Variants in APC observed in about 807,000 individuals in gnomAD.
The protein encoded by APC is adenomatous polyposis coli protein.
APC carries 72 observed loss-of-function variants against 247.0 expected under a neutral mutation model. The ratio of observed to expected loss-of-function variants is 0.29; its 90% CI spans 0.24 to 0.35. The LOEUF is 0.35. APC is among the 10% of genes least tolerant of loss of function. APC has a pLI of 1.00. For synonymous variants in APC, 1,254 were observed against 1,162.5 expected (o/e 1.08, Z -1.60); for missense variants, 3,400 against 3,360.7 (o/e 1.01, Z -0.29).
chr5:112,732,342 C>G (rs1268631006), intron 1 of APC, among the ~76,000 whole-genome samples: 1 of 152,146 alleles, frequency 6.6e-6, no homozygotes, highest in Non-Finnish European at 1.5e-5. Flanking sequence ...CCCACAGATT[C>G]TTTCTTGGTG....
chr5:112,770,758 C>T (rs530234836), intron 4 of APC, among the ~76,000 whole-genome samples: 52 of 152,174 alleles, frequency 3.4e-4, no homozygotes, highest in African/African-American at 1.1e-3. Context: ...ACTGACTCAC[C>T]ACTCTGAAAG....
Position 112,820,816 on chromosome 5 carries a change from G to A in APC, c.1313-1080G>A, listed in dbSNP as rs182267539. On this transcript the variant is annotated intron_variant, in intron 10 of 15. Coordinates refer to ENST00000257430, the MANE Select transcript of APC (RefSeq NM_000038.6). ...TCTGTTTACTGTCTAGTATATCTGT[G>A]TAACTTTTTGTATTAGAGATCACAT... Among the ~76,000 whole-genome samples, 343 of 152,194 alleles carry A rather than the reference G, an allele frequency of 2.3e-3. 1 individual carries two copies. Among genetic ancestry groups the A allele is most frequent in the Non-Finnish European group, 2.2e-3 (151 of 68,010 alleles).
At chr5:112,810,308 G>A (rs1015183479) in intron 8 of APC, 20 of 268,184 alleles carry the variant, frequency 7.5e-5, no homozygotes, top group Admixed American at 3.8e-4. Flanking sequence ...GGATATATAC[G>A]CAGGTAATTT....
At chr5:112,724,146 T>C (rs1190765283) in intron 1 of APC, among the ~76,000 whole-genome samples, 1 of 152,196 alleles carries the variant, frequency 6.6e-6, no homozygotes, top group African/African-American at 2.4e-5. Context: ...GGCTATCCTA[T>C]GCTTGTTATT....
At chr5:112,777,623 TA>T in intron 5 of APC, 1 of 180,276 alleles carries the variant, frequency 5.5e-6, no homozygotes, top group Non-Finnish European at 1.3e-5. Flanking sequence ...AAGACCCATA[TA>T]AAACAGGGCG....
chr5:112,746,531 C>T (rs1321319066), intron 1 of APC, among the ~76,000 whole-genome samples: 3 of 152,026 alleles, frequency 2.0e-5, no homozygotes, highest in African/African-American at 7.2e-5. Flanking sequence ...GGGTTTATTT[C>T]AGGAATGGAG....
At chr5:112,719,819 A>C (rs937876215) in intron 1 of APC, among the ~76,000 whole-genome samples, 2 of 152,244 alleles carry the variant, frequency 1.3e-5, no homozygotes, top group Non-Finnish European at 2.9e-5. Context: ...CTGGGATTAC[A>C]GTTGTGCGCC....
At chr5:112,723,254 G>C (rs1451518653) in intron 1 of APC, among the ~76,000 whole-genome samples, 3 of 152,152 alleles carry the variant, frequency 2.0e-5, no homozygotes, top group Non-Finnish European at 4.4e-5. Flanking sequence ...TTGAGCTCAG[G>C]AGTTTGAGAC....
At chr5:112,818,855 G>GGGTGTTTTTTTTTT in intron 9 of APC, 111 bp from the exon 10 acceptor site, 9 of 1,118,268 alleles carry the variant, frequency 8.0e-6, no homozygotes, top group East Asian at 2.6e-5. Flanking sequence ...GGCGGGGGGG[G>GGGTGTTTTTTTTTT]TTGTTTTGTT....
chr5:112,842,460 C>T lies in APC; in HGVS notation c.6866C>T (p.Thr2289Ile), dbSNP rs876660654. The T allele has an allele frequency of 2.5e-6, 4 of 1,613,842 alleles. No individual in the cohort carries two copies. The highest frequency in any genetic ancestry group is 1.1e-5 in the South Asian group (1 of 91,086). The change falls in exon 16 of 16, where the codon ACA (threonine) becomes ATA (isoleucine). Residue 2289 changes from threonine to isoleucine, a missense_variant. This residue lies in a region of APC where 1,788 missense variants were observed against 1,649.5 expected (regional missense o/e 1.08). Coordinates refer to ENST00000257430, the MANE Select transcript of APC (RefSeq NM_000038.6). ...GAATTAAGCCCTGTTGCCAGGCAGACATCCCAAATAGGTGGGTCAAGTAAA... is the reference window on the plus strand; with the variant it reads ...GAATTAAGCCCTGTTGCCAGGCAGATATCCCAAATAGGTGGGTCAAGTAAA... ...KSELSPVARQTSQIGGSSKAP... is the reference protein window; with the variant it reads ...KSELSPVARQISQIGGSSKAP...
At chr5:112,761,807 A>G (rs1269343631) in intron 2 of APC, among the ~76,000 whole-genome samples, 1 of 152,206 alleles carries the variant, frequency 6.6e-6, no homozygotes, top group African/African-American at 2.4e-5. Context: ...AAAACATAGG[A>G]TAATCTTATC....
intron 15 of APC, among the ~76,000 whole-genome samples, chr5:112,836,582 C>T (rs1764971031): frequency 6.6e-6 from 1 of 152,302 alleles, no homozygotes; most frequent in Admixed American, 6.5e-5. Flanking sequence ...TCTTTCATGT[C>T]CAGAGTTCAT....
At chr5:112,750,128 A>G (rs1440309231) in intron 1 of APC, among the ~76,000 whole-genome samples, 11 of 151,490 alleles carry the variant, frequency 7.3e-5, no homozygotes, top group Non-Finnish European at 1.3e-4. Flanking sequence ...ACGCCTGGCT[A>G]ATTTTTGTAT....
At chr5:112,837,507 A>G in intron 15 of APC, 46 bp from the exon 16 acceptor site, 1 of 1,408,600 alleles carries the variant, frequency 7.1e-7, no homozygotes, top group South Asian at 1.2e-5. Context: ...TTGTTACTGC[A>G]TACACATTGT....
At position 112,838,994 on chromosome 5, in the gene APC, G is replaced by A. The variant is rs1580635041; in HGVS notation, c.3400G>A (p.Asp1134Asn). 1.2e-6 allele frequency: 2 copies of A among 1,614,070 alleles called. No homozygotes were observed. The highest frequency in any genetic ancestry group is 1.3e-5 in the African/African-American group (1 of 75,030). The change falls in exon 16 of 16, where the codon GAC (aspartate) becomes AAC (asparagine). Residue 1134 changes from aspartate (D) to asparagine (N), a missense_variant. Around this residue, in one of 9 missense-constraint regions of APC, gnomAD observed 715 missense variants for 656.6 expected, o/e 1.09. Coordinates refer to ENST00000257430, the MANE Select transcript of APC (RefSeq NM_000038.6). ...NVSQSLCQED[D>N]YEDDKPTNYS... Reference sequence around the variant, plus strand: ...AAGCCAGTCTTTGTGTCAAGAAGATGACTATGAAGATGATAAGCCTACCAA... The same window carrying A: ...AAGCCAGTCTTTGTGTCAAGAAGATAACTATGAAGATGATAAGCCTACCAA...
chr5:112,747,127 C>T (rs1479466262), intron 1 of APC, among the ~76,000 whole-genome samples: 1 of 152,124 alleles, frequency 6.6e-6, no homozygotes, highest in Non-Finnish European at 1.5e-5. Flanking sequence ...CCACACCTGG[C>T]CATTAGCAGT....
At chr5:112,786,950 C>T (rs1759029794) in intron 6 of APC, among the ~76,000 whole-genome samples, 1 of 135,954 alleles carries the variant, frequency 7.4e-6, no homozygotes, top group Non-Finnish European at 1.5e-5. Context: ...TACAGTCATG[C>T]AATTTTGTCT....
At chr5:112,780,985 A>C (rs1353919414) in intron 6 of APC, 82 bp downstream of exon 6, 1 of 944,026 alleles carries the variant, frequency 1.1e-6, no homozygotes, top group Non-Finnish European at 1.7e-6. Context: ...ATATTGATTA[A>C]ATTTTATTAA....
At chr5:112,751,050 C>T (rs1661034) in intron 1 of APC, among the ~76,000 whole-genome samples, 9,895 of 152,004 alleles carry the variant, frequency 0.065, 394 homozygotes, top group Middle Eastern at 0.14. Context: ...ATTGTGTTCT[C>T]GTGGTTGATC....
Sources: allele counts gnomAD v4.1 joint callset (sites outside exome capture counted in the v4.1 genomes callset), GRCh38; gene constraint gnomAD v4.1.1; regional missense constraint gnomAD v4.1.1; transcripts MANE v1.5; gene names NCBI Gene and HGNC (gene_info 2026-07-23, HGNC 2026-07-21).